The following PNKP variants were observed in gnomAD, a reference collection of about 807,000 sequenced individuals.
PNKP encodes polynucleotide kinase 3'-phosphatase.
PNKP carries 82 observed loss-of-function variants against 66.2 expected under a neutral mutation model. The ratio of observed to expected loss-of-function variants is 1.24; its 90% CI spans 1.04 to 1.49. The LOEUF (loss-of-function observed/expected upper bound fraction) is 1.49. PNKP is among the 40% of genes most tolerant of loss of function. PNKP has a pLI of 0.00. For synonymous variants in PNKP, 412 were observed against 298.9 expected (o/e 1.38, Z -3.90); for missense variants, 907 against 706.8 (o/e 1.28, Z -3.21).
In PNKP at chr19:49,866,462, T is replaced by G. The variant is rs1328643467; in HGVS notation, c.152-17A>C. ...CCAGCTCCACTGAGGATTGGAGGGG[T>G]GGAGTCAGGATTTGCATCCTTGTGT... On this transcript the variant is annotated splice_polypyrimidine_tract_variant and intron_variant, in intron 2 of 16. Coordinates refer to ENST00000322344, the MANE Select transcript of PNKP (RefSeq NM_007254.4). The G allele has an allele frequency of 5.6e-6, 9 of 1,613,652 alleles. No homozygotes were observed. The South Asian group carries it at 9.9e-5, about 18-fold the overall frequency.
chr19:49,866,588 G>A (rs545302664), intron 2 of PNKP, 143 bp from the exon 3 acceptor site: 4 of 779,018 alleles, frequency 5.1e-6, no homozygotes, highest in East Asian at 2.6e-5. Flanking sequence ...TCCTTGACAT[G>A]CAGTAGCCAG....
In PNKP at chr19:49,867,473, G is replaced by A. The variant is rs1600424093; in HGVS notation, c.-18C>T. ...TCCGCCCCGCCCCGTACTCACCCGG[G>A]ACCGCGGCTTGGGCTCACGGCCACT... On this transcript the variant is annotated 5_prime_UTR_variant, in exon 1 of 17. Transcript: ENST00000322344. The A allele has an allele frequency of 3.0e-5, 16 of 525,380 alleles. No homozygotes were observed. The East Asian group carries it at 4.9e-4, about 16-fold the overall frequency. The allele number at this position is 525,380 out of a possible 1,614,324, so 32.5% of individuals were successfully genotyped here.
chr19:49,862,131 T>G (rs1241746686), intron 12 of PNKP, 26 bp from the exon 13 acceptor site: 1 of 1,613,850 alleles, frequency 6.2e-7, no homozygotes, highest in Non-Finnish European at 8.5e-7. Flanking sequence ...TGTCGGTGGG[T>G]GGCCTAGGAC....
At chr19:49,866,750 A>G (rs1416044519) in intron 2 of PNKP, 1 of 591,832 alleles carries the variant, frequency 1.7e-6, no homozygotes, top group African/African-American at 1.9e-5. Context: ...AGCGACATTT[A>G]CTTTTCTCCA....
chr19:49,863,063 G>A (rs902324144), intron 8 of PNKP, among the ~76,000 whole-genome samples: 5 of 152,166 alleles, frequency 3.3e-5, no homozygotes, highest in Admixed American at 6.5e-5. Context: ...GGGCAAAAGC[G>A]GGGCCCTCCC....
chr19:49,866,638 G>A, intron 2 of PNKP, 193 bp from the exon 3 acceptor site: 2 of 690,704 alleles, frequency 2.9e-6, no homozygotes, highest in South Asian at 1.5e-5. Flanking sequence ...TCCTTGCAAG[G>A]GACAGGGAGG....
rs2074830669 is a variant in PNKP at position 49,867,467 on chromosome 19, AC to A, written c.-14+1del. 4 of 529,140 alleles carry A rather than the reference AC, an allele frequency of 7.6e-6. No individual in the cohort carries two copies. Among genetic ancestry groups the A allele is most frequent in the South Asian group, 2.3e-5 (1 of 44,270 alleles). 32.8% of individuals were successfully genotyped at this position (529,140 alleles called of 1,614,324 possible). A position where few individuals can be genotyped will look rare whatever the true frequency, so the allele number is the denominator to read the frequency against. On this transcript the variant is annotated splice_donor_variant, in intron 1 of 16. Transcript: ENST00000322344. LOFTEE classifies it low-confidence loss of function (5UTR_SPLICE). ...CATGCCTCCGCCCCGCCCCGTACTC[AC>A]CCGGGACCGCGGCTTGGGCTCACGG...
intron 7 of PNKP, 52 bp downstream of exon 7, chr19:49,863,912 G>T: frequency 1.3e-6 from 2 of 1,486,790 alleles, no homozygotes; most frequent in Non-Finnish European, 1.9e-6. Context: ...TAAAGCCCTC[G>T]CTCTGGATCT....
intron 7 of PNKP, 99 bp from the exon 8 acceptor site, chr19:49,863,859 G>C: frequency 7.4e-7 from 1 of 1,359,752 alleles, no homozygotes; most frequent in Middle Eastern, 1.8e-4. Context: ...GTTCCTATCA[G>C]CATCACACTG....
intron 2 of PNKP, chr19:49,866,722 T>A: frequency 1.7e-6 from 1 of 599,314 alleles, no homozygotes; most frequent in Non-Finnish European, 3.0e-6. Context: ...CTTGGCCTGT[T>A]ACCATCCATC....
chr19:49,863,671 G>A lies in PNKP; in HGVS notation c.816+18C>T, dbSNP rs1461591233. On this transcript the variant is annotated intron_variant, in intron 8 of 16. Coordinates refer to ENST00000322344, the MANE Select transcript of PNKP (RefSeq NM_007254.4). ...GAGTGAGGAAAAGGAGGGGGGCCGG[G>A]CAGGCTGCAAGACTCACCTGCTCCT... is the stretch of plus-strand genomic sequence containing the variant. 1.9e-6 allele frequency: 3 copies of A among 1,545,466 alleles called. No individual in the cohort carries two copies. The highest frequency in any genetic ancestry group is 2.6e-6 in the Non-Finnish European group (3 of 1,141,494).
chr19:49,861,567 G>C lies in PNKP; in HGVS notation c.1386+41C>G. ...AGGGGTCAGGGGAGGAGGGGGGTCA[G>C]GGGGTGCAGCCCGGGGGGTGTCCGG... On this transcript the variant is annotated intron_variant, in intron 15 of 16. Transcript: ENST00000322344. 1.3e-6 allele frequency: 2 copies of C among 1,558,556 alleles called. No homozygotes were observed. The highest frequency in any genetic ancestry group is 4.0e-4 in the Middle Eastern group (2 of 5,000).
In PNKP at chr19:49,862,255, GA is replaced by G; in HGVS notation, c.1055del (p.Leu352ProfsTer10). 1.2e-6 allele frequency: 2 copies of G among 1,606,588 alleles called. No individual in the cohort carries two copies. Among genetic ancestry groups the G allele is most frequent in the Non-Finnish European group, 1.7e-6 (2 of 1,176,658 alleles). On this transcript the variant is annotated frameshift_variant, in exon 12 of 17. Coordinates refer to ENST00000322344, the MANE Select transcript of PNKP (RefSeq NM_007254.4). LOFTEE classifies it high-confidence loss of function. ...GGAGGGCCCTGGACTCGGGGAGGCAGAGAGGCCCTGAGCGGGAGACAGTCCT... is the reference window on the plus strand; with the variant it reads ...GGAGGGCCCTGGACTCGGGGAGGCAGGAGGCCCTGAGCGGGAGACAGTCCT... ...DPRTVSRSGP[L>X]CLPESRALLS...
intron 13 of PNKP, 63 bp from the exon 14 acceptor site, chr19:49,861,944 G>A (rs991568285): frequency 3.2e-6 from 5 of 1,580,950 alleles, no homozygotes; most frequent in East Asian, 2.2e-5. Context: ...CCCCGAGCGG[G>A]GACGGGGAGG....
rs1165689250 is a variant in PNKP, at chr19:49,861,331, A to G, written c.1483T>C (p.Phe495Leu). Residue 495 changes from phenylalanine to leucine, a missense_variant, in exon 17 of 17, where the codon TTC becomes CTC. By Grantham distance (22) the Phe-to-Leu change is conservative (BLOSUM62 0). Coordinates refer to ENST00000322344, the MANE Select transcript of PNKP (RefSeq NM_007254.4). ...AACGGGATCTCCAGGATGGCAGAGA[A>G]GCCTTCAGCCAGCGTTGGGGCCTCG... is the stretch of plus-strand genomic sequence containing the variant. The part of the protein sequence containing the change: ...QFEAPTLAEG[F>L]SAILEIPFRL... 4.3e-6 allele frequency: 7 copies of G among 1,614,042 alleles called. No individual in the cohort carries two copies. Among genetic ancestry groups the G allele is most frequent in the South Asian group, 1.1e-5 (1 of 91,094 alleles).
intron 7 of PNKP, 89 bp downstream of exon 7, chr19:49,863,875 G>A (rs2074798648): frequency 7.3e-7 from 1 of 1,371,640 alleles, no homozygotes; most frequent in South Asian, 1.2e-5. Context: ...CACTGCCTGA[G>A]GCCTCCGCCC....
rs779306097 is a variant in PNKP at position 49,861,343 on chromosome 19, G to A, written c.1471C>T (p.Leu491=). The stretch of plus-strand genomic sequence containing the variant: ...AGGATGGCAGAGAAGCCTTCAGCCA[G>A]CGTTGGGGCCTCGAACTGCTTCCTG... ...GYRKQFEAPT[L]AEGFSAILEI... Residue 491 remains leucine, a synonymous_variant, in exon 17 of 17, where the codon CTG becomes TTG. Transcript: ENST00000322344. The A allele has an allele frequency of 9.9e-6, 16 of 1,614,098 alleles. No homozygotes were observed. The highest frequency in any genetic ancestry group is 1.7e-5 in the Admixed American group (1 of 60,010).
intron 4 of PNKP, 22 bp from the exon 5 acceptor site, chr19:49,864,425 A>G (rs1179600783): frequency 6.3e-7 from 1 of 1,580,830 alleles, no homozygotes; most frequent in Admixed American, 1.7e-5. Context: ...AAGGAAAGAC[A>G]AACAGCAGCA....
In PNKP at chr19:49,861,760, C is replaced by A. The variant is rs747065246; in HGVS notation, c.1298+12G>T. On this transcript the variant is annotated intron_variant, in intron 14 of 16. Coordinates refer to ENST00000322344, the MANE Select transcript of PNKP (RefSeq NM_007254.4). The stretch of plus-strand genomic sequence containing the variant: ...CCGCCGCAGGCCACCTACGGCCCCG[C>A]GGTCACGCTACCTGGCGCGGCTCGC... The A allele has an allele frequency of 6.4e-6, 10 of 1,562,186 alleles. No individual in the cohort carries two copies. The African/African-American group carries it at 1.1e-4, about 17-fold the overall frequency.
Sources: gnomAD v4.1 joint callset for allele counts (sites outside exome capture counted in the v4.1 genomes callset) on GRCh38, gnomAD v4.1.1 for gene constraint, MANE v1.5 for transcripts, NCBI Gene and HGNC (gene_info 2026-07-23, HGNC 2026-07-21) for gene names.